The following TRMT11 variants were observed in gnomAD, a reference collection of about 807,000 sequenced individuals.
TRMT11 encodes the protein tRNA methyltransferase 11, also known as tRNA (guanine(10)-N(2))-methyltransferase TRMT11.
In TRMT11, 53 loss-of-function variants were observed where a neutral mutation model predicts 62.8. That is an observed-to-expected ratio of 0.84 (90% confidence interval 0.68 to 1.06). The LOEUF (loss-of-function observed/expected upper bound fraction) is 1.06. Among genes scored for constraint, TRMT11 ranks in the 50% least tolerant of loss-of-function variants. TRMT11 has a pLI of 0.00. For synonymous variants in TRMT11, 188 were observed against 190.3 expected (o/e 0.99, Z 0.10); for missense variants, 556 against 553.4 (o/e 1.00, Z -0.05).
intron 1 of TRMT11, among the ~76,000 whole-genome samples, chr6:126,181,062 G>T (rs1031366894): frequency 1.3e-5 from 2 of 152,046 alleles, no homozygotes; most frequent in Non-Finnish European, 2.9e-5. Context: ...TTTAGAAAGA[G>T]GATTTTTTTT....
intron 1 of TRMT11, among the ~76,000 whole-genome samples, chr6:126,184,761 G>A (rs556435217): frequency 4.6e-5 from 7 of 152,312 alleles, no homozygotes; most frequent in Admixed American, 3.9e-4. Flanking sequence ...TCCAAGAGTA[G>A]GGTGAACCTG....
chr6:126,216,562 C>A, the TRMT11 span, among the ~76,000 whole-genome samples: 1 of 152,050 alleles, frequency 6.6e-6, no homozygotes, highest in African/African-American at 2.4e-5. Context: ...ATATGTCATG[C>A]CTCTCTCTCC....
At chr6:126,222,162 A>G in the TRMT11 span, among the ~76,000 whole-genome samples, 1 of 152,040 alleles carries the variant, frequency 6.6e-6, no homozygotes, top group Non-Finnish European at 1.5e-5. Flanking sequence ...CTGTTCCATT[A>G]GTCTATGTGT....
intron 12 of TRMT11, among the ~76,000 whole-genome samples, chr6:126,032,988 A>G (rs1009138254): frequency 3.9e-5 from 6 of 152,184 alleles, no homozygotes; most frequent in Non-Finnish European, 7.4e-5. Context: ...TCAGTGGGAC[A>G]AAAACATTTT....
At chr6:126,191,799 T>A (rs1288378985) in intron 1 of TRMT11, among the ~76,000 whole-genome samples, 1 of 152,094 alleles carries the variant, frequency 6.6e-6, no homozygotes, top group East Asian at 1.9e-4. Flanking sequence ...TTCCATTGTT[T>A]TATGTGTCTG....
At chr6:126,199,888 A>T (rs1037942540) in exon 3 of TRMT11, 2 of 152,380 alleles carry the variant, frequency 1.3e-5, no homozygotes, top group East Asian at 3.9e-4. Context: ...GAACAGATAC[A>T]CCTTGGAACC....
At chr6:125,997,767 C>G (rs1791785009) in intron 3 of TRMT11, among the ~76,000 whole-genome samples, 1 of 152,206 alleles carries the variant, frequency 6.6e-6, no homozygotes, top group African/African-American at 2.4e-5. Flanking sequence ...CCTCGGCCTC[C>G]CAAGATGCTG....
At position 126,158,550 on chromosome 6, in the gene TRMT11, G is replaced by A. The variant is rs150489970; in HGVS notation, c.*1824-16275G>A. 1.2e-3 allele frequency among the ~76,000 whole-genome samples: 177 copies of A among 152,232 alleles called. 2 individuals are homozygous for A. The highest frequency in any genetic ancestry group is 4.1e-3 in the African/African-American group (170 of 41,546). On this transcript the variant is annotated intron_variant and NMD_transcript_variant, in intron 21 of 22. Transcript: ENST00000648977. The stretch of plus-strand genomic sequence containing the variant: ...AATCTATTATATAATAGGTTCTTTA[G>A]TGCTACTTTCATGCTCTGGATCCTT...
At chr6:126,190,727 C>A (rs879917548) in intron 1 of TRMT11, among the ~76,000 whole-genome samples, 4 of 152,148 alleles carry the variant, frequency 2.6e-5, no homozygotes, top group Non-Finnish European at 4.4e-5. Flanking sequence ...TTTCACCTGA[C>A]ATTATGACCC....
intron 1 of TRMT11, among the ~76,000 whole-genome samples, chr6:126,198,385 AG>A (rs1778695752): frequency 6.6e-6 from 1 of 152,172 alleles, no homozygotes; most frequent in South Asian, 2.1e-4. Context: ...CCTTTTTTAA[AG>A]GTAATTTTAA....
intron 17 of TRMT11, among the ~76,000 whole-genome samples, chr6:126,061,500 A>G (rs963557932): frequency 1.1e-4 from 16 of 149,350 alleles, no homozygotes; most frequent in African/African-American, 3.7e-4. Flanking sequence ...CTTACTTTCT[A>G]CTTGCATGAC....
intron 7 of TRMT11, among the ~76,000 whole-genome samples, chr6:126,000,057 T>C (rs575475440): frequency 6.6e-6 from 1 of 152,248 alleles, no homozygotes; most frequent in African/African-American, 2.4e-5. Flanking sequence ...ATAGTTAATA[T>C]ATCCTATCTT....
intron 21 of TRMT11, among the ~76,000 whole-genome samples, chr6:126,127,405 G>C (rs953370633): frequency 1.3e-5 from 2 of 152,012 alleles, no homozygotes; most frequent in African/African-American, 4.8e-5. Context: ...TGACTCAATG[G>C]GTAGAAACCT....
intron 16 of TRMT11, among the ~76,000 whole-genome samples, chr6:126,052,632 T>C (rs1233007805): frequency 6.6e-6 from 1 of 152,210 alleles, no homozygotes; most frequent in East Asian, 1.9e-4. Context: ...CAAAAGCCTT[T>C]TCTGAAGCTC....
At chr6:126,191,543 C>T (rs953296131) in intron 1 of TRMT11, among the ~76,000 whole-genome samples, 15 of 140,510 alleles carry the variant, frequency 1.1e-4, no homozygotes, top group Non-Finnish European at 2.1e-4. Context: ...CCTAGCATTT[C>T]CCCAATGTTT....
chr6:126,215,385 A>G, the TRMT11 span, among the ~76,000 whole-genome samples: 1 of 151,878 alleles, frequency 6.6e-6, no homozygotes, highest in African/African-American at 2.4e-5. Flanking sequence ...GGTCCAATGT[A>G]TTTACAGTTG....
At chr6:126,052,345 G>A (rs1035699072) in intron 16 of TRMT11, among the ~76,000 whole-genome samples, 1 of 151,912 alleles carries the variant, frequency 6.6e-6, no homozygotes, top group African/African-American at 2.4e-5. Flanking sequence ...AAACCCAAAG[G>A]GTTTTCCTTT....
At chr6:125,990,688 T>C (rs923565833) in intron 1 of TRMT11, among the ~76,000 whole-genome samples, 2 of 152,238 alleles carry the variant, frequency 1.3e-5, no homozygotes, top group African/African-American at 4.8e-5. Context: ...ACCTGGAAGT[T>C]GAATTCCTGT....
At chr6:126,038,323 G>A (rs1775548717) in intron 12 of TRMT11, among the ~76,000 whole-genome samples, 1 of 150,046 alleles carries the variant, frequency 6.7e-6, no homozygotes, top group African/African-American at 2.5e-5. Flanking sequence ...AAGCTTCCTT[G>A]TTTAGTACTT....
Sources: allele counts gnomAD v4.1 joint callset (sites outside exome capture counted in the v4.1 genomes callset), GRCh38; gene constraint gnomAD v4.1.1; transcripts MANE v1.5; gene names NCBI Gene and HGNC (gene_info 2026-07-23, HGNC 2026-07-21).